SIRT1: variants seen among roughly 807,000 people sequenced by gnomAD.
The protein encoded by SIRT1 is sirtuin 1.
In SIRT1, 24 loss-of-function variants were observed where a neutral mutation model predicts 67.9. The ratio of observed to expected loss-of-function variants is 0.35; its 90% CI spans 0.26 to 0.50. The LOEUF is 0.50. Among genes scored for constraint, SIRT1 ranks in the 20% least tolerant of loss-of-function variants. The pLI is 0.98. For missense variants in SIRT1, 873 were observed against 937.2 expected, an observed-to-expected ratio of 0.93 and a Z score of 0.89; for synonymous variants, 378 against 350.7, an observed-to-expected ratio of 1.08 and a Z score of -0.87.
chr10:67,885,297 T>C (rs1170674546), intron 1 of SIRT1, 146 bp downstream of exon 1: 4 of 1,240,814 alleles, frequency 3.2e-6, no homozygotes, highest in Non-Finnish European at 4.0e-6. Context: ...TCAGCCGCGC[T>C]CCTCCGGGGC....
chr10:67,908,187 C>A lies in SIRT1; in HGVS notation c.1170+62C>A, dbSNP rs1685206186. 4 of 1,423,002 alleles carry A rather than the reference C, an allele frequency of 2.8e-6. No individual in the cohort carries two copies. The Admixed American group carries it at 7.1e-5, about 25-fold the overall frequency. 88.1% of individuals were successfully genotyped at this position (1,423,002 alleles called of 1,614,324 possible). ...CTCTGAAGTATTTCTTCTTTTGCCT[C>A]AAAATCCTTTTTTACCCCTTTAAAG... On this transcript the variant is annotated intron_variant, in intron 6 of 8. Coordinates refer to ENST00000212015, the MANE Select transcript of SIRT1 (RefSeq NM_012238.5).
intron 7 of SIRT1, among the ~76,000 whole-genome samples, chr10:67,909,816 C>G (rs577676926): frequency 5.9e-4 from 89 of 152,102 alleles, no homozygotes; most frequent in African/African-American, 2.0e-3. Context: ...CTCAGGTGAT[C>G]CGCCTGTCTC....
At chr10:67,885,431 A>C (rs557932694) in intron 1 of SIRT1, 69 of 1,212,648 alleles carry the variant, frequency 5.7e-5, no homozygotes, top group Admixed American at 4.7e-4. Context: ...CTTTAAAATA[A>C]GTTTCTCTCC....
At chr10:67,886,588 T>A (rs1842485258) in intron 1 of SIRT1, among the ~76,000 whole-genome samples, 1 of 151,900 alleles carries the variant, frequency 6.6e-6, no homozygotes, top group Non-Finnish European at 1.5e-5. Context: ...AATATGTGTT[T>A]TTAGGGACTG....
chr10:67,901,541 G>A (rs998807344), intron 4 of SIRT1, among the ~76,000 whole-genome samples: 6 of 152,158 alleles, frequency 3.9e-5, no homozygotes, highest in African/African-American at 1.4e-4. Flanking sequence ...ACTGCATAGG[G>A]TCTCTGTCAT....
chr10:67,884,951 G>C lies in SIRT1; in HGVS notation c.230G>C (p.Arg77Pro). 6 of 1,255,584 alleles carry C rather than the reference G, an allele frequency of 4.8e-6. No individual in the cohort carries two copies. Among genetic ancestry groups the C allele is most frequent in the Non-Finnish European group, 6.0e-6 (6 of 1,001,056 alleles). 77.8% of individuals were successfully genotyped at this position (1,255,584 alleles called of 1,614,324 possible). ...GGTGCGGCGGCGGCGGCGCTGTGGC[G>C]GGAGGCGGAGGCAGAGGCGGCGGCG... ...CPGAAAAALW[R>P]EAEAEAAAAG... Residue 77 changes from arginine to proline, a missense_variant, in exon 1 of 9, where the codon CGG becomes CCG. Arg to Pro is a moderately radical substitution (Grantham distance 103). This residue lies in a region of SIRT1 where 327 missense variants were observed against 283.9 expected (regional missense o/e 1.15). Transcript: ENST00000212015.
chr10:67,887,355 C>T (rs994218997), intron 1 of SIRT1, 62 bp from the exon 2 acceptor site: 5 of 1,011,248 alleles, frequency 4.9e-6, no homozygotes, highest in Non-Finnish European at 6.3e-6. Flanking sequence ...GCTCTATAAC[C>T]GTTCATACAT....
At chr10:67,885,784 G>A (rs1842468713) in intron 1 of SIRT1, among the ~76,000 whole-genome samples, 1 of 152,068 alleles carries the variant, frequency 6.6e-6, no homozygotes. Context: ...TACTTTTAGA[G>A]CTGTTCATAT....
At chr10:67,889,200 T>A in intron 3 of SIRT1, 77 bp downstream of exon 3, 1 of 1,442,152 alleles carries the variant, frequency 6.9e-7, no homozygotes, top group Non-Finnish European at 9.2e-7. Context: ...ATTTTTCTGG[T>A]TTAGAAGGAT....
chr10:67,902,316 A>G (rs1024917573), intron 4 of SIRT1, among the ~76,000 whole-genome samples: 4 of 152,336 alleles, frequency 2.6e-5, no homozygotes, highest in South Asian at 2.1e-4. Flanking sequence ...ATAGTCAGCA[A>G]TAGATCTCCT....
At chr10:67,905,813 T>A (rs1212504591) in intron 4 of SIRT1, among the ~76,000 whole-genome samples, 2 of 152,230 alleles carry the variant, frequency 1.3e-5, no homozygotes, top group African/African-American at 2.4e-5. Context: ...TCATGAACCA[T>A]TTTCCAGGGC....
Position 67,906,844 on chromosome 10 carries a change from T to G in SIRT1, c.997T>G (p.Ser333Ala). ...TCTCTGTCACAAATTCATAGCCTTG[T>G]CAGATAAGGAAGGAAAACTACTTCG... ...PSLCHKFIAL[S>A]DKEGKLLRNY... The change falls in exon 5 of 9, where the codon TCA becomes GCA. Residue 333 changes from serine to alanine, a missense_variant. Physicochemically the swap from Ser to Ala is moderately conservative, Grantham distance 99. Coordinates refer to ENST00000212015, the MANE Select transcript of SIRT1 (RefSeq NM_012238.5). 6.2e-7 allele frequency: 1 copy of G among 1,613,330 alleles called. No individual in the cohort carries two copies. Among genetic ancestry groups the G allele is most frequent in the Non-Finnish European group, 8.5e-7 (1 of 1,179,712 alleles).
intron 4 of SIRT1, among the ~76,000 whole-genome samples, chr10:67,893,990 AT>A (rs1278941631): frequency 1.3e-5 from 2 of 152,100 alleles, no homozygotes; most frequent in East Asian, 3.9e-4. Context: ...AAAAAAAGTG[AT>A]TTTTTGGATG....
At chr10:67,910,924 A>G (rs1842890255) in intron 7 of SIRT1, among the ~76,000 whole-genome samples, 1 of 152,166 alleles carries the variant, frequency 6.6e-6, no homozygotes, top group African/African-American at 2.4e-5. Context: ...ATCCCTAGCC[A>G]GAGAATTGAA....
chr10:67,888,933 C>A lies in SIRT1; in HGVS notation c.599C>A (p.Thr200Lys). Residue 200 changes from threonine to lysine, a missense_variant, in exon 3 of 9, where the codon ACA (threonine) becomes AAA (lysine). Thr to Lys is a moderately conservative substitution (Grantham distance 78). This residue lies in a region of SIRT1 where 251 missense variants were observed against 358.8 expected (regional missense o/e 0.70). Coordinates refer to ENST00000212015, the MANE Select transcript of SIRT1 (RefSeq NM_012238.5). ...QHLMIGTDPR[T>K]ILKDLLPETI... ...CTTATGATTGGCACAGATCCTCGAA[C>A]AATTCTTAAAGATTTATTGCCGGAA... The A allele has an allele frequency of 6.2e-7, 1 of 1,613,814 alleles. No individual in the cohort carries two copies. Among genetic ancestry groups the A allele is most frequent in the Non-Finnish European group, 8.5e-7 (1 of 1,179,902 alleles).
At chr10:67,891,081 A>T (rs749506889) in intron 3 of SIRT1, among the ~76,000 whole-genome samples, 8 of 151,928 alleles carry the variant, frequency 5.3e-5, no homozygotes, top group Non-Finnish European at 1.0e-4. Context: ...TACTTAAAAT[A>T]ATTTGTTGAA....
chr10:67,892,582 T>C (rs1295325956), intron 4 of SIRT1, among the ~76,000 whole-genome samples: 1 of 151,684 alleles, frequency 6.6e-6, no homozygotes, highest in Non-Finnish European at 1.5e-5. Context: ...AATATATGTA[T>C]GTTTTTTGAA....
chr10:67,889,926 C>T (rs1036217178), intron 3 of SIRT1, among the ~76,000 whole-genome samples: 5 of 151,464 alleles, frequency 3.3e-5, no homozygotes, highest in African/African-American at 1.2e-4. Context: ...TTTTTTTGTA[C>T]GATTAGTGGG....
intron 4 of SIRT1, among the ~76,000 whole-genome samples, chr10:67,895,666 T>C (rs1472873606): frequency 3.3e-5 from 5 of 151,872 alleles, no homozygotes; most frequent in African/African-American, 7.3e-5. Context: ...CTTTCTTTTT[T>C]TTTTGGAAAG....
Sources: allele counts gnomAD v4.1 joint callset (sites outside exome capture counted in the v4.1 genomes callset), GRCh38; gene constraint gnomAD v4.1.1; regional missense constraint gnomAD v4.1.1; transcripts MANE v1.5; gene names NCBI Gene and HGNC (gene_info 2026-07-23, HGNC 2026-07-21).